HERC1: variants seen among roughly 807,000 people sequenced by gnomAD.
The protein encoded by HERC1 is probable E3 ubiquitin-protein ligase HERC1.
HERC1 carries 160 observed loss-of-function variants against 554.3 expected under a neutral mutation model. The observed-to-expected ratio is 0.29, with a 90% CI of 0.25 to 0.33. The LOEUF is 0.33. Among genes scored for constraint, HERC1 ranks in the 10% least tolerant of loss-of-function variants. The pLI, the probability that HERC1 is intolerant of heterozygous loss-of-function variation, is 1.00. For synonymous variants in HERC1, 2,175 were observed against 2,131.7 expected, an observed-to-expected ratio of 1.02 and a Z score of -0.56; for missense variants, 4,919 against 5,918.5, an observed-to-expected ratio of 0.83 and a Z score of 5.54.
In HERC1 at chr15:63,696,218, G is replaced by C. The variant is rs760879871; in HGVS notation, c.5027C>G (p.Ser1676Cys). 1.2e-6 allele frequency: 2 copies of C among 1,613,482 alleles called. No individual in the cohort carries two copies. The highest frequency in any genetic ancestry group is 2.2e-5 in the South Asian group (2 of 90,938). The part of the protein sequence containing the change: ...SGFQSSTLLT[S>C]VRLQFLAGCF... The stretch of plus-strand genomic sequence containing the variant: ...CCCTGCTAGGAACTGCAGCCTCACA[G>C]ACGTGAGTAGTGTGGAGGACTGGAA... The change falls in exon 27 of 78, where the codon TCT becomes TGT. Residue 1676 changes from serine (S) to cysteine (C), a missense_variant. Physicochemically the swap from Ser to Cys is moderately radical, Grantham distance 112 (BLOSUM62 -1). Coordinates refer to ENST00000443617, the MANE Select transcript of HERC1 (RefSeq NM_003922.4).
Position 63,680,650 on chromosome 15 carries a change from G to A in HERC1, c.6352C>T (p.Leu2118Phe). The A allele has an allele frequency of 1.9e-6, 3 of 1,613,810 alleles. No individual in the cohort carries two copies. The highest frequency in any genetic ancestry group is 1.1e-5 in the South Asian group (1 of 91,078). ...AGAGTCTGTTCTCCATTGTGATAGAGGTTACCACTGTAGGCCCTATAGAGC... is the reference window on the plus strand; with the variant it reads ...AGAGTCTGTTCTCCATTGTGATAGAAGTTACCACTGTAGGCCCTATAGAGC... Reference protein sequence around the residue: ...MWLYRAYSGNLYHNGEQTLTL... With the variant: ...MWLYRAYSGNFYHNGEQTLTL... Residue 2118 changes from leucine (L) to phenylalanine (F), a missense_variant, in exon 35 of 78, where the codon CTC becomes TTC. By Grantham distance (22) the Leu-to-Phe change is conservative. Transcript: ENST00000443617. The surrounding 1 kb of genome is among the most constrained non-coding windows in gnomAD (Gnocchi z 5.8).
intron 3 of HERC1, 108 bp downstream of exon 3, chr15:63,763,988 T>A (rs1596189309): frequency 8.5e-6 from 3 of 353,518 alleles, no homozygotes; most frequent in Non-Finnish European, 1.5e-5. Flanking sequence ...CTGGTGCCAC[T>A]TCCTTTTGTA....
At chr15:63,742,780 T>C (rs938473571) in intron 12 of HERC1, among the ~76,000 whole-genome samples, 2 of 152,206 alleles carry the variant, frequency 1.3e-5, no homozygotes, top group African/African-American at 4.8e-5. Context: ...TTGATTTTCA[T>C]ACTTTGAAAA....
chr15:63,814,206 T>C (rs1428641874), intron 1 of HERC1, among the ~76,000 whole-genome samples: 1 of 152,198 alleles, frequency 6.6e-6, no homozygotes, highest in Non-Finnish European at 1.5e-5. Context: ...TTAACAATGA[T>C]TATTCTGTGT....
chr15:63,776,208 T>C (rs1361186742), intron 1 of HERC1, among the ~76,000 whole-genome samples: 4 of 152,178 alleles, frequency 2.6e-5, no homozygotes, highest in Non-Finnish European at 5.9e-5. Context: ...TATACACAAG[T>C]GCCTACTTGG....
intron 12 of HERC1, among the ~76,000 whole-genome samples, chr15:63,744,456 G>A (rs765420376): frequency 7.2e-5 from 11 of 152,124 alleles, no homozygotes; most frequent in Non-Finnish European, 1.0e-4. Context: ...CAAGCCTCAG[G>A]TGGGTCTAGA....
intron 25 of HERC1, among the ~76,000 whole-genome samples, chr15:63,705,023 C>A (rs575968880): frequency 6.6e-6 from 1 of 152,238 alleles, no homozygotes; most frequent in African/African-American, 2.4e-5. Context: ...CAGGCATGAG[C>A]CACGACACCC....
intron 52 of HERC1, among the ~76,000 whole-genome samples, chr15:63,651,891 C>G (rs542623134): frequency 6.6e-6 from 1 of 152,020 alleles, no homozygotes; most frequent in African/African-American, 2.4e-5. Context: ...CAAAAATTAG[C>G]CGGGCATGGT....
At chr15:63,616,004 T>C in intron 75 of HERC1, 84 bp from the exon 76 acceptor site, 1 of 1,138,766 alleles carries the variant, frequency 8.8e-7, no homozygotes. Context: ...GGCACAGCAA[T>C]AACAAACTCA....
chr15:63,829,569 A>G (rs75310661), intron 1 of HERC1, among the ~76,000 whole-genome samples: 32,282 of 118,570 alleles, frequency 0.27, 4,812 homozygotes, highest in Middle Eastern at 0.41. Flanking sequence ...GTGTATATAT[A>G]TATATATATA....
At chr15:63,725,894 A>G (rs148914239) in intron 17 of HERC1, among the ~76,000 whole-genome samples, 1 of 151,912 alleles carries the variant, frequency 6.6e-6, no homozygotes, top group Admixed American at 6.6e-5. Context: ...TTAAAATGAC[A>G]TTCAAGATTG....
At chr15:63,738,208 T>C (rs556242220) in intron 12 of HERC1, among the ~76,000 whole-genome samples, 1 of 152,084 alleles carries the variant, frequency 6.6e-6, no homozygotes, top group Non-Finnish European at 1.5e-5. Flanking sequence ...GACAGAGATA[T>C]TCAATAAAAT....
intron 1 of HERC1, among the ~76,000 whole-genome samples, chr15:63,822,166 G>A (rs866964494): frequency 8.5e-5 from 13 of 152,228 alleles, no homozygotes; most frequent in Middle Eastern, 3.2e-3. Context: ...CCCGGTCAGG[G>A]AATACGGATA....
intron 53 of HERC1, among the ~76,000 whole-genome samples, chr15:63,651,034 A>G (rs148810841): frequency 8.5e-5 from 13 of 152,360 alleles, no homozygotes; most frequent in Admixed American, 3.3e-4. Flanking sequence ...ATTTAAGTTT[A>G]TAACTACTAG....
chr15:63,641,017 A>G (rs1429056919), intron 60 of HERC1, among the ~76,000 whole-genome samples: 1 of 152,184 alleles, frequency 6.6e-6, no homozygotes, highest in African/African-American at 2.4e-5. Flanking sequence ...TAATGACCCT[A>G]CTCAATTCAA....
chr15:63,664,383 A>G (rs2070509565), intron 43 of HERC1, 87 bp downstream of exon 43: 2 of 1,219,992 alleles, frequency 1.6e-6, no homozygotes, highest in South Asian at 1.5e-5. Flanking sequence ...ACTTAGTATC[A>G]TTAGTTTGAA....
rs1261086745 is a variant in HERC1 at position 63,737,364 on chromosome 15, T to TTTTTTCCAGATATATATATATATATCG, written c.2521-2542_2521-2516dup. 5.8e-4 allele frequency among the ~76,000 whole-genome samples: 82 copies of TTTTTTCCAGATATATATATATATATCG among 140,178 alleles called. 5 individuals are homozygous for TTTTTTCCAGATATATATATATATATCG. Among genetic ancestry groups the TTTTTTCCAGATATATATATATATATCG allele is most frequent in the Non-Finnish European group, 9.7e-4 (63 of 64,988 alleles). 92.0% of individuals were successfully genotyped at this position (140,178 alleles called of 152,430 possible). On this transcript the variant is annotated intron_variant, in intron 12 of 77. Transcript: ENST00000443617. ...AAACACTTCCAGATATATATATATC[T>TTTTTTCCAGATATATATATATATATCG]TTTTTCCAGATATATATATATATAT...
chr15:63,701,730 A>G (rs2072731412), intron 25 of HERC1, among the ~76,000 whole-genome samples: 1 of 152,232 alleles, frequency 6.6e-6, no homozygotes, highest in Non-Finnish European at 1.5e-5. Context: ...CAGGATAAAT[A>G]ATTTCCATCA....
intron 55 of HERC1, among the ~76,000 whole-genome samples, chr15:63,647,097 A>C (rs2069391973): frequency 6.6e-6 from 1 of 151,872 alleles, no homozygotes; most frequent in Admixed American, 6.6e-5. Flanking sequence ...TCTACTAAAA[A>C]TATAAAAATT....
Sources: allele counts gnomAD v4.1 joint callset (sites outside exome capture counted in the v4.1 genomes callset), GRCh38; gene constraint gnomAD v4.1.1; non-coding constraint Gnocchi (gnomAD v3.1); transcripts MANE v1.5; gene names NCBI Gene and HGNC (gene_info 2026-07-23, HGNC 2026-07-21).